The following NEGR1 variants were observed in gnomAD, a reference collection of about 807,000 sequenced individuals.
NEGR1 encodes neuronal growth regulator 1.
A neutral mutation model predicts 40.9 loss-of-function variants in NEGR1; 10 were observed. That is an observed-to-expected ratio of 0.24 (90% confidence interval 0.15 to 0.42). The LOEUF (loss-of-function observed/expected upper bound fraction) is 0.42, where lower values mean the gene tolerates loss of function less well. Among genes scored for constraint, NEGR1 ranks in the 10% least tolerant of loss-of-function variants. The probability of loss-of-function intolerance (pLI) is 1.00; values close to 1 mark genes in which losing one functional copy is unlikely to be tolerated. For missense variants in NEGR1, 352 were observed against 438.9 expected (o/e 0.80, Z 1.77); for synonymous variants, 185 against 166.8 (o/e 1.11, Z -0.84).
At chr1:72,223,627 T>A (rs1545709) in intron 1 of NEGR1, among the ~76,000 whole-genome samples, 2,561 of 152,182 alleles carry the variant, frequency 0.017, 86 homozygotes, top group African/African-American at 0.059. Context: ...ATAAAATTAC[T>A]CTATACAAGT....
chr1:71,728,097 A>G (rs1031779365), intron 3 of NEGR1, among the ~76,000 whole-genome samples: 1 of 152,214 alleles, frequency 6.6e-6, no homozygotes, highest in Non-Finnish European at 1.5e-5. Flanking sequence ...GCAACAAAAA[A>G]GAGCTTAGAA....
chr1:71,912,463 T>C (rs1661444370), intron 2 of NEGR1, among the ~76,000 whole-genome samples: 1 of 152,200 alleles, frequency 6.6e-6, no homozygotes, highest in African/African-American at 2.4e-5. Flanking sequence ...TAACCTTAAA[T>C]CCCTTCACCA....
At chr1:72,227,833 G>C (rs1483235841) in intron 1 of NEGR1, among the ~76,000 whole-genome samples, 4 of 152,092 alleles carry the variant, frequency 2.6e-5, no homozygotes, top group Non-Finnish European at 5.9e-5. Flanking sequence ...TGGAATTTCA[G>C]CTAGTGTTAC....
chr1:71,886,421 T>C (rs2101848639), intron 2 of NEGR1, among the ~76,000 whole-genome samples: 1 of 150,830 alleles, frequency 6.6e-6, no homozygotes, highest in African/African-American at 2.4e-5. Flanking sequence ...CTTCAGATTA[T>C]ATATTAAATG....
chr1:72,091,436 C>T (rs1648492714), intron 1 of NEGR1, among the ~76,000 whole-genome samples: 1 of 145,254 alleles, frequency 6.9e-6, no homozygotes, highest in South Asian at 2.3e-4. Context: ...TCCTTCCCTC[C>T]CTCCCTAACT....
At chr1:71,566,191 A>G (rs1386733121) in intron 6 of NEGR1, among the ~76,000 whole-genome samples, 4 of 152,152 alleles carry the variant, frequency 2.6e-5, no homozygotes, top group Non-Finnish European at 5.9e-5. Flanking sequence ...AGTTTGTAGT[A>G]ATTTTTTATG....
intron 1 of NEGR1, among the ~76,000 whole-genome samples, chr1:72,054,681 G>A (rs1481046871): frequency 1.3e-5 from 2 of 151,026 alleles, no homozygotes; most frequent in Non-Finnish European, 3.0e-5. Context: ...TTACAAATTT[G>A]CTGTTGACTT....
chr1:71,974,082 C>T (rs896083559), intron 1 of NEGR1, among the ~76,000 whole-genome samples: 1 of 152,150 alleles, frequency 6.6e-6, no homozygotes, highest in African/African-American at 2.4e-5. Flanking sequence ...TCACCATTCA[C>T]CTTGTGCTTT....
intron 6 of NEGR1, among the ~76,000 whole-genome samples, chr1:71,580,077 A>C (rs966530458): frequency 6.6e-6 from 1 of 152,116 alleles, no homozygotes; most frequent in African/African-American, 2.4e-5. Context: ...ACAATGATAG[A>C]CTGGATTAAG....
chr1:71,731,939 C>T (rs1654885335), intron 3 of NEGR1, among the ~76,000 whole-genome samples: 1 of 152,174 alleles, frequency 6.6e-6, no homozygotes, highest in African/African-American at 2.4e-5. Context: ...CTTCTATTTG[C>T]ATCCTTATTG....
intron 6 of NEGR1, among the ~76,000 whole-genome samples, chr1:71,587,328 A>G (rs75543097): frequency 0.037 from 5,605 of 152,180 alleles, 343 homozygotes; most frequent in African/African-American, 0.13. Flanking sequence ...AAACAGTTAC[A>G]TTACTCTCTC....
chr1:71,483,026 G>A (rs894051022), intron 6 of NEGR1, among the ~76,000 whole-genome samples: 7 of 151,784 alleles, frequency 4.6e-5, no homozygotes, highest in Non-Finnish European at 1.0e-4. Flanking sequence ...CTGGAAAGCG[G>A]ATAGTCAGGA....
intron 1 of NEGR1, among the ~76,000 whole-genome samples, chr1:71,976,975 G>A (rs963870753): frequency 1.3e-5 from 2 of 152,072 alleles, no homozygotes; most frequent in African/African-American, 4.8e-5. Flanking sequence ...CATTCAATAT[G>A]GAAATTTTAG....
chr1:71,559,019 GTATATATATA>G (rs1553150124), intron 6 of NEGR1, among the ~76,000 whole-genome samples: 4 of 114,050 alleles, frequency 3.5e-5, no homozygotes, highest in African/African-American at 6.1e-5. Flanking sequence ...CTGTGTGTGT[GTATATATATA>G]TATATATATA....
At chr1:71,650,890 A>T (rs983248675) in intron 4 of NEGR1, among the ~76,000 whole-genome samples, 2 of 152,194 alleles carry the variant, frequency 1.3e-5, no homozygotes, top group South Asian at 4.1e-4. Context: ...CAGTAGAATG[A>T]TAATTAGATA....
In NEGR1 at chr1:72,254,213, G is replaced by A. The variant is rs115237886; in HGVS notation, c.176+28106C>T. Among the ~76,000 whole-genome samples, 623 of 152,208 alleles carry A rather than the reference G, an allele frequency of 4.1e-3. 4 individuals carry two copies. Among genetic ancestry groups the A allele is most frequent in the African/African-American group, 0.014 (581 of 41,542 alleles). On this transcript the variant is annotated intron_variant, in intron 1 of 6. Transcript: ENST00000357731. ...ATTATGTAGTACACTAATATCTTTC[G>A]TAGGTGTATTTATGGCTGCTACAAT...
In NEGR1 at chr1:71,725,662, T is replaced by C. The variant is rs111351898; in HGVS notation, c.536-27523A>G. Among the ~76,000 whole-genome samples the C allele has an allele frequency of 5.4e-3, 825 of 152,250 alleles. 2 individuals carry two copies. Among genetic ancestry groups the C allele is most frequent in the Non-Finnish European group, 7.4e-3 (503 of 68,010 alleles). On this transcript the variant is annotated intron_variant, in intron 3 of 6. Transcript: ENST00000357731. ...GATAACTTATTTCCAGAATGCATCC[T>C]CACGAAATCTCTGTAGGCTGGGCTT...
chr1:71,938,130 A>G (rs532473423), intron 1 of NEGR1, among the ~76,000 whole-genome samples: 2 of 150,146 alleles, frequency 1.3e-5, no homozygotes, highest in Admixed American at 1.3e-4. Context: ...TTGAATGACA[A>G]TCAGAAAAAA....
At chr1:71,527,439 CCATCCAT>C (rs1647231886) in intron 6 of NEGR1, among the ~76,000 whole-genome samples, 2 of 150,816 alleles carry the variant, frequency 1.3e-5, no homozygotes, top group Non-Finnish European at 3.0e-5. Context: ...ATCCATCCAT[CCATCCAT>C]CCATGGGTAA....
Sources: allele counts gnomAD v4.1 joint callset (sites outside exome capture counted in the v4.1 genomes callset), GRCh38; gene constraint gnomAD v4.1.1; transcripts MANE v1.5; gene names NCBI Gene and HGNC (gene_info 2026-07-23, HGNC 2026-07-21).